Variants in RUNX1T1 observed in about 807,000 individuals in gnomAD.
RUNX1T1 encodes protein CBFA2T1.
In RUNX1T1, 4 loss-of-function variants were observed where a neutral mutation model predicts 62.8. That is an observed-to-expected ratio of 0.06 (90% CI 0.03 to 0.15). The LOEUF is 0.15. Ranked by LOEUF, RUNX1T1 falls within the 10% of genes least tolerant of loss-of-function variation. The pLI is 1.00. For synonymous variants in RUNX1T1, 291 were observed against 286.0 expected (o/e 1.02, Z -0.18); for missense variants, 508 against 754.3 (o/e 0.67, Z 3.82).
chr8:91,959,412 T>TG lies in RUNX1T1; in HGVS notation c.*829_*830insC, dbSNP rs1554588350. 7.0e-4 allele frequency: 98 copies of TG among 139,462 alleles called. 4 individuals are homozygous for TG. In the East Asian group the frequency reaches 7.2e-3, roughly 10 times the overall value. 8.6% of individuals were successfully genotyped at this position (139,462 alleles called of 1,614,324 possible). A position where few individuals can be genotyped will look rare whatever the true frequency, so the allele number is the denominator to read the frequency against. On this transcript the variant is annotated 3_prime_UTR_variant, in exon 11 of 11. Coordinates refer to ENST00000396218, the Ensembl canonical transcript of RUNX1T1. ...ATTAACTGCAGGCTGAGTCTCTTAC[T>TG]TGTGTGTGTGTGTGTGTGTGTGTGT...
intron 1 of RUNX1T1, among the ~76,000 whole-genome samples, chr8:92,038,068 T>TTATTTATTTATTTATTTATGTATG (rs927087554): frequency 1.3e-5 from 2 of 151,932 alleles, no homozygotes; most frequent in African/African-American, 4.8e-5. Context: ...ATTTATTTAT[T>TTATTTATTTATTTATTTATGTATG]TATGTATTCT....
At chr8:91,995,086 A>G (rs1426369162) in intron 5 of RUNX1T1, among the ~76,000 whole-genome samples, 1 of 152,136 alleles carries the variant, frequency 6.6e-6, no homozygotes, top group East Asian at 1.9e-4. Context: ...CTCTTATCTT[A>G]GGGCAGCCCC....
At chr8:91,955,398 AAAAG>A (rs1300219799), downstream of RUNX1T1, 1 of 227,948 alleles carries the variant, frequency 4.4e-6, no homozygotes, top group Non-Finnish European at 8.7e-6. Context: ...TCTGTGGAAA[AAAAG>A]AGTAACTATG....
At chr8:92,039,190 A>G (rs1827982528) in intron 1 of RUNX1T1, among the ~76,000 whole-genome samples, 1 of 147,902 alleles carries the variant, frequency 6.8e-6, no homozygotes, top group African/African-American at 2.5e-5. Flanking sequence ...GCTGAAGGGC[A>G]GTGATGAGGT....
chr8:92,005,288 G>A (rs866407267), exon 5 of RUNX1T1: 1 of 1,611,340 alleles, frequency 6.2e-7, no homozygotes, highest in Non-Finnish European at 8.5e-7. Context: ...TGCAGCAGGG[G>A]CAAGTTGGCC....
At chr8:92,089,878 C>T (rs1033610910) in intron 1 of RUNX1T1, among the ~76,000 whole-genome samples, 7 of 149,260 alleles carry the variant, frequency 4.7e-5, no homozygotes, top group Admixed American at 6.7e-5. Context: ...GATCCCTTTC[C>T]CAGTTAGATG....
At chr8:92,070,288 C>T (rs1244764997) in intron 2 of RUNX1T1, among the ~76,000 whole-genome samples, 1 of 152,132 alleles carries the variant, frequency 6.6e-6, no homozygotes, top group African/African-American at 2.4e-5. Flanking sequence ...AAGAAACCTG[C>T]CAAGAGTTTG....
chr8:92,103,033 T>A, upstream of RUNX1T1: 1 of 741,780 alleles, frequency 1.3e-6, no homozygotes, highest in South Asian at 4.2e-5. Flanking sequence ...GACCGCGGAG[T>A]CGCGCCGCGG....
intron 1 of RUNX1T1, among the ~76,000 whole-genome samples, chr8:92,023,888 A>G (rs975888496): frequency 3.9e-5 from 6 of 152,210 alleles, no homozygotes; most frequent in African/African-American, 7.2e-5. Flanking sequence ...AGGCAGTATC[A>G]GTCCTTCTCC....
chr8:92,034,393 A>G (rs574418245), intron 1 of RUNX1T1, among the ~76,000 whole-genome samples: 1 of 152,120 alleles, frequency 6.6e-6, no homozygotes, highest in Non-Finnish European at 1.5e-5. Context: ...ACAAAATGGA[A>G]CCCACCCCAT....
chr8:92,017,437 T>C, intron 1 of RUNX1T1, 74 bp from the exon 3 acceptor site: 1 of 1,610,628 alleles, frequency 6.2e-7, no homozygotes, highest in Non-Finnish European at 8.5e-7. Context: ...TTTATCTTTT[T>C]TAAAAGCAAG....
In RUNX1T1 at chr8:92,012,984, C is replaced by T. The variant is rs193002167; in HGVS notation, c.387+1595G>A. 6.6e-5 allele frequency among the ~76,000 whole-genome samples: 10 copies of T among 152,028 alleles called. No individual in the cohort carries two copies. The East Asian group carries it at 1.5e-3, about 23-fold the overall frequency. ...AAGTATGCCACTTGGGAAAAATCTACTTAAAGCTACCAAGTTTTTCTGCAT... is the reference window on the plus strand; with the variant it reads ...AAGTATGCCACTTGGGAAAAATCTATTTAAAGCTACCAAGTTTTTCTGCAT... On this transcript the variant is annotated intron_variant, in intron 3 of 10. Coordinates refer to ENST00000396218, the Ensembl canonical transcript of RUNX1T1.
upstream of RUNX1T1, chr8:92,102,994 G>T: frequency 8.3e-7 from 1 of 1,205,238 alleles, no homozygotes; most frequent in Non-Finnish European, 1.1e-6. The surrounding 1 kb of genome is among the most constrained non-coding windows in gnomAD (Gnocchi z 4.5). Flanking sequence ...GAGTGTCCGC[G>T]GCCACTCGCC....
At chr8:91,984,281 T>C (rs1816070250) in intron 8 of RUNX1T1, among the ~76,000 whole-genome samples, 1 of 152,198 alleles carries the variant, frequency 6.6e-6, no homozygotes, top group South Asian at 2.1e-4. Flanking sequence ...AGAATCTGTG[T>C]GTAGTAGTAG....
chr8:92,070,911 C>T (rs1833575011), intron 2 of RUNX1T1, among the ~76,000 whole-genome samples: 1 of 152,204 alleles, frequency 6.6e-6, no homozygotes, highest in African/African-American at 2.4e-5. Context: ...TTGCAGGAAA[C>T]ACCACCACCA....
intron 9 of RUNX1T1, among the ~76,000 whole-genome samples, chr8:91,973,796 CT>C (rs1253219895): frequency 6.6e-6 from 1 of 151,940 alleles, no homozygotes; most frequent in Non-Finnish European, 1.5e-5. Context: ...TAAGTAGTTA[CT>C]GGAGATTTCT....
At chr8:91,998,134 A>C (rs1819066427) in intron 5 of RUNX1T1, among the ~76,000 whole-genome samples, 1 of 152,200 alleles carries the variant, frequency 6.6e-6, no homozygotes, top group South Asian at 2.1e-4. Context: ...TTATTTTTAA[A>C]ACATAATTCA....
intron 1 of RUNX1T1, among the ~76,000 whole-genome samples, chr8:92,038,072 G>T (rs28379236): frequency 1.7e-4 from 19 of 109,440 alleles, no homozygotes; most frequent in East Asian, 7.9e-4. Flanking sequence ...ATTTATTTAT[G>T]TATTCTGTGA....
rs576569650 is a variant in RUNX1T1 at position 92,008,055 on chromosome 8, A to C, written c.478-2758T>G. On this transcript the variant is annotated intron_variant, in intron 4 of 10. Transcript: ENST00000396218. ...TAATCTTATGGGACTACCATTGTAC[A>C]TGCAGTCCATCATTGTCTGAAACAT... 9.2e-5 allele frequency among the ~76,000 whole-genome samples: 14 copies of C among 152,190 alleles called. No homozygotes were observed. In the South Asian group the frequency reaches 2.9e-3, roughly 32 times the overall value.
Sources: allele counts gnomAD v4.1 joint callset (sites outside exome capture counted in the v4.1 genomes callset), GRCh38; gene constraint gnomAD v4.1.1; non-coding constraint Gnocchi (gnomAD v3.1); transcripts MANE v1.5; gene names NCBI Gene and HGNC (gene_info 2026-07-23, HGNC 2026-07-21).